ARHGAP42: variants seen among roughly 807,000 people sequenced by gnomAD.
ARHGAP42 encodes the protein rho GTPase-activating protein 42.
ARHGAP42 carries 63 observed loss-of-function variants against 125.0 expected under a neutral mutation model. The ratio of observed to expected loss-of-function variants is 0.50; its 90% CI spans 0.41 to 0.62. The LOEUF (loss-of-function observed/expected upper bound fraction) is 0.62. Among genes scored for constraint, ARHGAP42 ranks in the 20% least tolerant of loss-of-function variants. ARHGAP42 has a pLI of 0.00. For synonymous variants in ARHGAP42, 339 were observed against 351.0 expected (o/e 0.97, Z 0.38); for missense variants, 766 against 1,024.2 (o/e 0.75, Z 3.44).
intron 12 of ARHGAP42, among the ~76,000 whole-genome samples, chr11:100,952,677 T>C (rs1355172666): frequency 6.6e-6 from 1 of 151,238 alleles, no homozygotes; most frequent in Admixed American, 6.6e-5. Context: ...TTCCAGAATT[T>C]AGCTGCCAGC....
At chr11:100,718,731 C>G (rs1215895510) in intron 1 of ARHGAP42, among the ~76,000 whole-genome samples, 3 of 152,154 alleles carry the variant, frequency 2.0e-5, no homozygotes, top group African/African-American at 4.8e-5. Flanking sequence ...CTCACTTAGA[C>G]TAATTTCTCA....
intron 4 of ARHGAP42, among the ~76,000 whole-genome samples, chr11:100,889,508 C>A (rs1007878404): frequency 1.4e-4 from 21 of 151,586 alleles, no homozygotes; most frequent in African/African-American, 5.1e-4. Flanking sequence ...CTTCCCAGAA[C>A]TGTAATAAAT....
At chr11:100,777,115 C>T (rs779001052) in intron 2 of ARHGAP42, among the ~76,000 whole-genome samples, 1 of 152,060 alleles carries the variant, frequency 6.6e-6, no homozygotes, top group Non-Finnish European at 1.5e-5. Flanking sequence ...GTTTTGTGTA[C>T]AGCATTGGCT....
At chr11:100,724,909 C>G (rs1180989107) in intron 1 of ARHGAP42, among the ~76,000 whole-genome samples, 1 of 151,868 alleles carries the variant, frequency 6.6e-6, no homozygotes, top group Non-Finnish European at 1.5e-5. Context: ...AAGGCAGAAG[C>G]TTAATTAATG....
At chr11:100,977,400 G>A (rs573407060) in intron 21 of ARHGAP42, among the ~76,000 whole-genome samples, 7 of 152,116 alleles carry the variant, frequency 4.6e-5, no homozygotes, top group Non-Finnish European at 4.4e-5. Flanking sequence ...TCCATCCTAC[G>A]CCCGCATACC....
At chr11:100,855,420 A>G (rs567264037) in intron 3 of ARHGAP42, among the ~76,000 whole-genome samples, 3 of 152,236 alleles carry the variant, frequency 2.0e-5, no homozygotes, top group African/African-American at 7.2e-5. Context: ...CATACCTTTC[A>G]GATTTATTTT....
At chr11:100,718,594 A>G (rs958311251) in intron 1 of ARHGAP42, among the ~76,000 whole-genome samples, 1 of 152,222 alleles carries the variant, frequency 6.6e-6, no homozygotes, top group African/African-American at 2.4e-5. Flanking sequence ...TTAAAGTTAC[A>G]TATAGGTAGG....
At chr11:100,805,099 G>A (rs537341950) in intron 3 of ARHGAP42, among the ~76,000 whole-genome samples, 2 of 152,312 alleles carry the variant, frequency 1.3e-5, no homozygotes, top group African/African-American at 4.8e-5. Flanking sequence ...ATGAACAGCA[G>A]TCTTCAGAAG....
In ARHGAP42 at chr11:100,884,055, G is replaced by T. The variant is rs528201260; in HGVS notation, c.384+24430G>T. 9.9e-5 allele frequency among the ~76,000 whole-genome samples: 15 copies of T among 151,636 alleles called. No individual in the cohort carries two copies. In the South Asian group the frequency reaches 1.0e-3, roughly 10 times the overall value. On this transcript the variant is annotated intron_variant, in intron 4 of 23. Coordinates refer to ENST00000298815, the MANE Select transcript of ARHGAP42 (RefSeq NM_152432.4). ...CCTTAGGCATAATTAGAATAAGACC[G>T]CACACAGTGGATTTTCCCCCACTCA... is the stretch of plus-strand genomic sequence containing the variant.
intron 21 of ARHGAP42, among the ~76,000 whole-genome samples, 183 bp from the exon 22 acceptor site, chr11:100,978,804 G>A (rs80116157): frequency 0.092 from 14,070 of 152,168 alleles, 932 homozygotes; most frequent in Non-Finnish European, 0.13. Flanking sequence ...TACTCTGTAA[G>A]CTGGAGGTTA....
chr11:100,906,892 A>G (rs951331093), intron 4 of ARHGAP42, among the ~76,000 whole-genome samples: 6 of 152,170 alleles, frequency 3.9e-5, no homozygotes. Flanking sequence ...AATACATTTT[A>G]TGTACCCTCT....
chr11:100,838,855 T>C (rs1297270060), intron 3 of ARHGAP42, among the ~76,000 whole-genome samples: 1 of 152,190 alleles, frequency 6.6e-6, no homozygotes, highest in Non-Finnish European at 1.5e-5. Context: ...TGTTAGTTGA[T>C]AGCCTAGCTT....
intron 1 of ARHGAP42, among the ~76,000 whole-genome samples, chr11:100,709,714 T>G (rs1220342622): frequency 2.6e-5 from 4 of 152,230 alleles, no homozygotes; most frequent in Non-Finnish European, 5.9e-5. Flanking sequence ...GTCCTCAGAT[T>G]GAAGGTGATA....
chr11:100,766,430 T>A (rs1284505082), intron 1 of ARHGAP42, among the ~76,000 whole-genome samples: 1 of 152,200 alleles, frequency 6.6e-6, no homozygotes, highest in Non-Finnish European at 1.5e-5. Flanking sequence ...ACAACAAATT[T>A]TAAAATTTAT....
chr11:100,747,641 A>AT (rs1380225117), intron 1 of ARHGAP42, among the ~76,000 whole-genome samples: 1 of 151,936 alleles, frequency 6.6e-6, no homozygotes, highest in Non-Finnish European at 1.5e-5. Context: ...TAAAACAAAA[A>AT]TTTTTTTTAA....
At chr11:100,909,704 T>C (rs577236498) in intron 4 of ARHGAP42, among the ~76,000 whole-genome samples, 2 of 152,282 alleles carry the variant, frequency 1.3e-5, no homozygotes, top group African/African-American at 2.4e-5. Flanking sequence ...TTTTTGTATA[T>C]GGTGAGAGAA....
At chr11:100,703,553 T>C (rs1801841641) in intron 1 of ARHGAP42, among the ~76,000 whole-genome samples, 1 of 152,250 alleles carries the variant, frequency 6.6e-6, no homozygotes, top group African/African-American at 2.4e-5. Context: ...AAGCATGGGC[T>C]TGTCCCACTC....
chr11:100,854,862 A>G lies in ARHGAP42; in HGVS notation c.313-4692A>G, dbSNP rs533607937. On this transcript the variant is annotated intron_variant, in intron 3 of 23. Coordinates refer to ENST00000298815, the MANE Select transcript of ARHGAP42 (RefSeq NM_152432.4). ...GAGATGCTTGCTTGTAATCAATCAC[A>G]AATTAGAACTGTGATGTGATTTTCA... Among the ~76,000 whole-genome samples the G allele has an allele frequency of 8.5e-5, 13 of 152,280 alleles. No homozygotes were observed. In the South Asian group the frequency reaches 2.5e-3, roughly 29 times the overall value.
intron 1 of ARHGAP42, among the ~76,000 whole-genome samples, chr11:100,689,300 GT>G (rs950391261): frequency 1.5e-4 from 23 of 152,266 alleles, no homozygotes; most frequent in African/African-American, 5.5e-4. Context: ...GCAAATCCTG[GT>G]TAAAGTCTCG....
Sources: allele counts gnomAD v4.1 joint callset (sites outside exome capture counted in the v4.1 genomes callset), GRCh38; gene constraint gnomAD v4.1.1; transcripts MANE v1.5; gene names NCBI Gene and HGNC (gene_info 2026-07-23, HGNC 2026-07-21).